Variants in MAPK14 observed in about 807,000 individuals in gnomAD.
The protein encoded by MAPK14 is mitogen-activated protein kinase 14, also known as CSAID-binding protein.
Under a neutral mutation model 49.6 loss-of-function variants are expected in MAPK14, and 16 were observed. The observed-to-expected ratio is 0.32, with a 90% CI of 0.22 to 0.49. The LOEUF (loss-of-function observed/expected upper bound fraction) is 0.49. Among genes scored for constraint, MAPK14 ranks in the 20% least tolerant of loss-of-function variants. MAPK14 has a pLI of 0.99. For missense variants in MAPK14, 200 were observed against 441.2 expected, an observed-to-expected ratio of 0.45 and a Z score of 4.90; for synonymous variants, 142 against 158.0, an observed-to-expected ratio of 0.90 and a Z score of 0.76.
intron 3 of MAPK14, among the ~76,000 whole-genome samples, chr6:36,065,626 A>T (rs1043193447): frequency 1.1e-4 from 17 of 151,346 alleles, no homozygotes; most frequent in African/African-American, 3.9e-4. Flanking sequence ...TTTATAAGCT[A>T]AGCCTCATTA....
At chr6:36,035,235 C>A (rs1762696982) in intron 1 of MAPK14, among the ~76,000 whole-genome samples, 1 of 152,040 alleles carries the variant, frequency 6.6e-6, no homozygotes, top group South Asian at 2.1e-4. Context: ...CTGTGCCCGG[C>A]AGTTCTCGCA....
intron 1 of MAPK14, among the ~76,000 whole-genome samples, chr6:36,033,170 G>T (rs1762606937): frequency 6.6e-6 from 1 of 152,138 alleles, no homozygotes; most frequent in Non-Finnish European, 1.5e-5. Flanking sequence ...TAAGGTAGTT[G>T]CCTGTATGTT....
intron 8 of MAPK14, among the ~76,000 whole-genome samples, chr6:36,085,028 C>G (rs986581890): frequency 1.3e-5 from 2 of 152,100 alleles, no homozygotes; most frequent in African/African-American, 2.4e-5. Flanking sequence ...ATTCAACATT[C>G]TTAAAGAATT....
rs970547581 is a variant in MAPK14, at chr6:36,028,830, C to T, written c.116+557C>T. Reference sequence around the variant, plus strand: ...TTTTTTTTCAAAACTCTGTCGAAATCCCATCTTGAAAAGCGTTCTTTTTGA... The same window carrying T: ...TTTTTTTTCAAAACTCTGTCGAAATTCCATCTTGAAAAGCGTTCTTTTTGA... On this transcript the variant is annotated intron_variant, in intron 1 of 11. Transcript: ENST00000229794. This position sits in a 1 kb window ranked among gnomAD's most constrained non-coding sequence, Gnocchi z 5.1. 7.6e-6 allele frequency among the ~76,000 whole-genome samples: 1 copy of T among 131,130 alleles called. No homozygotes were observed. The highest frequency in any genetic ancestry group is 1.6e-5 in the Non-Finnish European group (1 of 62,922). 86.0% of individuals were successfully genotyped at this position (131,130 alleles called of 152,430 possible).
chr6:36,090,414 C>T (rs1050170172), intron 8 of MAPK14, among the ~76,000 whole-genome samples: 18 of 152,004 alleles, frequency 1.2e-4, no homozygotes, highest in Non-Finnish European at 2.2e-4. Context: ...ACCTCCACCT[C>T]CTGAGGCTGG....
intron 9 of MAPK14, among the ~76,000 whole-genome samples, chr6:36,098,657 T>C (rs1310376851): frequency 6.6e-6 from 1 of 152,186 alleles, no homozygotes; most frequent in Non-Finnish European, 1.5e-5. Context: ...TAATAACCTC[T>C]TTGACTAAAG....
chr6:36,083,985 G>C (rs1318962203), intron 8 of MAPK14, among the ~76,000 whole-genome samples: 1 of 152,182 alleles, frequency 6.6e-6, no homozygotes, highest in Non-Finnish European at 1.5e-5. Flanking sequence ...GGAGCTCCCA[G>C]AGGAAGGAAC....
intron 1 of MAPK14, among the ~76,000 whole-genome samples, chr6:36,032,056 A>G (rs1762565455): frequency 1.3e-5 from 2 of 152,086 alleles, no homozygotes; most frequent in Admixed American, 6.5e-5. Context: ...TGCTGGGATT[A>G]TAGGGATGAG....
chr6:36,080,704 T>A (rs1425024540), intron 8 of MAPK14, among the ~76,000 whole-genome samples: 1 of 152,216 alleles, frequency 6.6e-6, no homozygotes, highest in Non-Finnish European at 1.5e-5. Flanking sequence ...CTTTTGGTTA[T>A]GTACCTAGGA....
downstream of MAPK14, among the ~76,000 whole-genome samples, chr6:36,115,920 T>TCC (rs1766052545): frequency 8.7e-6 from 1 of 115,136 alleles, no homozygotes; most frequent in Non-Finnish European, 1.7e-5. Flanking sequence ...AGAGGGAGAC[T>TCC]CCGTCTCAAA....
chr6:36,085,806 A>G (rs375248152), intron 8 of MAPK14, among the ~76,000 whole-genome samples: 127 of 152,340 alleles, frequency 8.3e-4, no homozygotes, highest in African/African-American at 2.9e-3. Context: ...TCAGCTCTGG[A>G]CCTGATAGAT....
At chr6:36,049,506 C>T (rs1192895509) in intron 1 of MAPK14, among the ~76,000 whole-genome samples, 3 of 152,148 alleles carry the variant, frequency 2.0e-5, no homozygotes, top group Admixed American at 6.5e-5. Context: ...GATTATTAGA[C>T]CCACTTCAAA....
intron 10 of MAPK14, 107 bp downstream of exon 10, chr6:36,102,756 T>A (rs575835423): frequency 6.4e-7 from 1 of 1,572,164 alleles, no homozygotes; most frequent in South Asian, 1.2e-5. Flanking sequence ...TACCATTAGT[T>A]GAATCTTGGA....
chr6:36,057,910 G>A (rs1219947609), intron 2 of MAPK14, among the ~76,000 whole-genome samples: 2 of 152,082 alleles, frequency 1.3e-5, no homozygotes, highest in African/African-American at 4.8e-5. Context: ...AATATGGCTG[G>A]GCGTATTACA....
chr6:36,040,147 G>GTAAT (rs1269647562), intron 1 of MAPK14, among the ~76,000 whole-genome samples: 3 of 152,142 alleles, frequency 2.0e-5, no homozygotes, highest in Non-Finnish European at 4.4e-5. Context: ...ATAACCCAGG[G>GTAAT]TAATTCAACC....
chr6:36,066,177 A>G (rs561279821), intron 3 of MAPK14, among the ~76,000 whole-genome samples: 9 of 152,306 alleles, frequency 5.9e-5, no homozygotes, highest in Admixed American at 1.3e-4. Context: ...AGATGAGGGA[A>G]CTGAGGTTGA....
Position 36,057,728 on chromosome 6 carries a change from A to G in MAPK14, c.247-1561A>G, listed in dbSNP as rs561021378. 3.3e-5 allele frequency among the ~76,000 whole-genome samples: 5 copies of G among 152,268 alleles called. No individual in the cohort carries two copies. The South Asian group carries it at 1.0e-3, about 32-fold the overall frequency. ...AGCGAAACTCTGTCTCAAAGAAAAA[A>G]AAAAAAGTCTGATATTTGGATGAGT... On this transcript the variant is annotated intron_variant, in intron 2 of 11. Transcript: ENST00000229794.
intron 2 of MAPK14, among the ~76,000 whole-genome samples, chr6:36,054,055 T>C (rs2127419261): frequency 6.6e-6 from 1 of 151,558 alleles, no homozygotes; most frequent in South Asian, 2.1e-4. Context: ...GTGACATGTT[T>C]ACAAGAAGTT....
intron 7 of MAPK14, among the ~76,000 whole-genome samples, chr6:36,076,336 C>T (rs878952379): frequency 6.6e-6 from 1 of 152,146 alleles, no homozygotes; most frequent in South Asian, 2.1e-4. Context: ...TGTGTTTTGA[C>T]TTACCCCACC....
Sources: allele counts gnomAD v4.1 joint callset (sites outside exome capture counted in the v4.1 genomes callset), GRCh38; gene constraint gnomAD v4.1.1; non-coding constraint Gnocchi (gnomAD v3.1); transcripts MANE v1.5; gene names NCBI Gene and HGNC (gene_info 2026-07-23, HGNC 2026-07-21).